FSD1L: variants seen among roughly 807,000 people sequenced by gnomAD.
FSD1L encodes the protein FSD1-like protein.
Under a neutral mutation model 71.6 loss-of-function variants are expected in FSD1L, and 45 were observed. The observed-to-expected ratio is 0.63, with a 90% CI of 0.49 to 0.81. The LOEUF is 0.81. FSD1L is among the 30% of genes least tolerant of loss of function. FSD1L has a pLI of 0.00. For missense variants in FSD1L, 561 were observed against 618.1 expected, an observed-to-expected ratio of 0.91 and a Z score of 0.98; for synonymous variants, 197 against 207.2, an observed-to-expected ratio of 0.95 and a Z score of 0.42.
intron 12 of FSD1L, among the ~76,000 whole-genome samples, chr9:105,536,128 T>C (rs538007022): frequency 2.4e-4 from 36 of 152,382 alleles, no homozygotes; most frequent in African/African-American, 8.2e-4. Flanking sequence ...TTGCCACTTA[T>C]GTGCCTGAAG....
intron 7 of FSD1L, among the ~76,000 whole-genome samples, chr9:105,495,575 A>G (rs1444365471): frequency 6.6e-6 from 1 of 152,186 alleles, no homozygotes; most frequent in African/African-American, 2.4e-5. Context: ...AAATGCAGAA[A>G]TCACCTGTCT....
chr9:105,541,253 A>G lies in FSD1L; in HGVS notation c.1467+1902A>G, dbSNP rs118106221. Among the ~76,000 whole-genome samples the G allele has an allele frequency of 1.5e-4, 23 of 151,650 alleles. No individual in the cohort carries two copies. In the East Asian group the frequency reaches 4.4e-3, roughly 29 times the overall value. ...GACTAAAGTTATTGCTCATGGAAAC[A>G]TAAAGATACTGGAAGGGAGGGTTGT... On this transcript the variant is annotated intron_variant, in intron 13 of 13. Coordinates refer to ENST00000481272, the MANE Select transcript of FSD1L (RefSeq NM_001145313.3).
chr9:105,489,225 A>C (rs1018855627), intron 7 of FSD1L, among the ~76,000 whole-genome samples: 1 of 152,176 alleles, frequency 6.6e-6, no homozygotes, highest in Middle Eastern at 3.2e-3. Context: ...GGTAAAATGC[A>C]TGGTGAAGCC....
intron 10 of FSD1L, chr9:105,524,013 C>T: frequency 1.3e-6 from 2 of 1,599,684 alleles, no homozygotes; most frequent in South Asian, 1.1e-5. Context: ...ACTGCCTTCT[C>T]TTCATCCCAA....
chr9:105,488,638 G>C (rs1368941055), intron 7 of FSD1L, among the ~76,000 whole-genome samples: 1 of 152,156 alleles, frequency 6.6e-6, no homozygotes, highest in African/African-American at 2.4e-5. Flanking sequence ...CACAAGCAAT[G>C]AATAGAGTTC....
chr9:105,523,594 C>T lies in FSD1L; in HGVS notation c.1025+10658C>T. 2.5e-6 allele frequency: 4 copies of T among 1,611,146 alleles called. No individual in the cohort carries two copies. The South Asian group carries it at 4.4e-5, about 18-fold the overall frequency. On this transcript the variant is annotated intron_variant, in intron 10 of 13. Transcript: ENST00000481272. ...GGCATTTCAGCTGATAACCTGACCT[C>T]CCCTTCTCCACCAGTTTTAATTCCT...
At chr9:105,523,177 C>G in intron 10 of FSD1L, 2 of 1,613,646 alleles carry the variant, frequency 1.2e-6, no homozygotes, top group Non-Finnish European at 1.7e-6. Flanking sequence ...AATCAGCAAG[C>G]TTTCTCTGCT....
chr9:105,505,877 G>A (rs1188107983), intron 7 of FSD1L, among the ~76,000 whole-genome samples: 1 of 152,150 alleles, frequency 6.6e-6, no homozygotes, highest in Non-Finnish European at 1.5e-5. Context: ...ATGTGTTAAT[G>A]TTAAAAAGCT....
At chr9:105,492,290 G>T (rs1024638487) in intron 7 of FSD1L, among the ~76,000 whole-genome samples, 2 of 152,162 alleles carry the variant, frequency 1.3e-5, no homozygotes, top group Non-Finnish European at 2.9e-5. Context: ...TTGCGTAGAG[G>T]TGTTTGTAGT....
intron 7 of FSD1L, among the ~76,000 whole-genome samples, chr9:105,489,028 T>C (rs562462432): frequency 5.3e-5 from 8 of 152,210 alleles, no homozygotes; most frequent in African/African-American, 1.7e-4. Context: ...TAAGTTATAA[T>C]TGTTATCTGT....
rs187158654 is a variant in FSD1L, at chr9:105,533,662, C to T, written c.1026-831C>T. 2.0e-4 allele frequency among the ~76,000 whole-genome samples: 30 copies of T among 150,682 alleles called. No individual in the cohort carries two copies. In the East Asian group the frequency reaches 4.1e-3, roughly 21 times the overall value. On this transcript the variant is annotated intron_variant, in intron 10 of 13. Coordinates refer to ENST00000481272, the MANE Select transcript of FSD1L (RefSeq NM_001145313.3). Reference sequence around the variant, plus strand: ...GGTCTCGAACTCCAGACTTCGAGATCCGCCTGTCTTGGCCTCTCAAATTGC... The same window carrying T: ...GGTCTCGAACTCCAGACTTCGAGATTCGCCTGTCTTGGCCTCTCAAATTGC...
intron 7 of FSD1L, among the ~76,000 whole-genome samples, chr9:105,496,081 G>T (rs1301459103): frequency 1.3e-5 from 2 of 151,768 alleles, no homozygotes; most frequent in African/African-American, 4.8e-5. Flanking sequence ...CTTTTACAGA[G>T]CAAGATTTTT....
intron 10 of FSD1L, chr9:105,521,103 G>T: frequency 6.2e-7 from 1 of 1,613,690 alleles, no homozygotes; most frequent in Non-Finnish European, 8.5e-7. Context: ...GATAAAGAAA[G>T]ATGCTGAAAC....
chr9:105,468,809 A>G (rs1032618453), intron 4 of FSD1L, among the ~76,000 whole-genome samples: 2 of 152,116 alleles, frequency 1.3e-5, no homozygotes, highest in Non-Finnish European at 1.5e-5. Flanking sequence ...CTCTTAAACC[A>G]TTTTAAACTG....
chr9:105,510,760 T>C (rs1361533993), intron 9 of FSD1L, among the ~76,000 whole-genome samples: 1 of 152,198 alleles, frequency 6.6e-6, no homozygotes, highest in Non-Finnish European at 1.5e-5. Flanking sequence ...AGGTAAATGA[T>C]ATTAAATTAC....
chr9:105,498,454 A>G (rs556043539), intron 7 of FSD1L, among the ~76,000 whole-genome samples: 97 of 152,166 alleles, frequency 6.4e-4, no homozygotes, highest in African/African-American at 2.3e-3. Context: ...CCTGTACAGC[A>G]TGTTACTGTA....
At chr9:105,522,617 G>A in intron 10 of FSD1L, 1 of 1,612,918 alleles carries the variant, frequency 6.2e-7, no homozygotes, top group Non-Finnish European at 8.5e-7. Context: ...CTTTGAATGA[G>A]GAGCAGCCAT....
At chr9:105,494,654 G>C (rs1044652568) in intron 7 of FSD1L, among the ~76,000 whole-genome samples, 60 of 152,132 alleles carry the variant, frequency 3.9e-4, no homozygotes, top group Non-Finnish European at 5.6e-4. Flanking sequence ...GGTCTTTGAT[G>C]ATGGTGATGT....
At chr9:105,497,338 A>G (rs1833477409) in intron 7 of FSD1L, among the ~76,000 whole-genome samples, 2 of 152,174 alleles carry the variant, frequency 1.3e-5, no homozygotes, top group African/African-American at 4.8e-5. Context: ...TTGGAGTAAT[A>G]TCTTTGTCAG....
Sources: gnomAD v4.1 joint callset for allele counts (sites outside exome capture counted in the v4.1 genomes callset) on GRCh38, gnomAD v4.1.1 for gene constraint, MANE v1.5 for transcripts, NCBI Gene and HGNC (gene_info 2026-07-23, HGNC 2026-07-21) for gene names.